The following RUNDC3B variants were observed in gnomAD, a reference collection of about 807,000 sequenced individuals.
RUNDC3B encodes the protein RUN domain containing 3B.
RUNDC3B carries 33 observed loss-of-function variants against 58.4 expected under a neutral mutation model. The ratio of observed to expected loss-of-function variants is 0.56; its 90% CI spans 0.43 to 0.75. The LOEUF (loss-of-function observed/expected upper bound fraction) is 0.75. Among genes scored for constraint, RUNDC3B ranks in the 30% least tolerant of loss-of-function variants. RUNDC3B has a pLI of 0.00. For synonymous variants in RUNDC3B, 193 were observed against 195.2 expected (o/e 0.99, Z 0.10); for missense variants, 501 against 535.7 (o/e 0.94, Z 0.64).
intron 1 of RUNDC3B, among the ~76,000 whole-genome samples, chr7:87,643,301 A>G (rs931649139): frequency 2.6e-5 from 4 of 152,196 alleles, no homozygotes; most frequent in African/African-American, 9.6e-5. Context: ...GTTTCAGGGT[A>G]CAAATTTCAG....
intron 9 of RUNDC3B, among the ~76,000 whole-genome samples, chr7:87,815,599 G>T (rs943894441): frequency 6.6e-6 from 1 of 151,956 alleles, no homozygotes; most frequent in African/African-American, 2.4e-5. Context: ...TCGTCTTGAT[G>T]TATATTAATA....
chr7:87,719,224 G>A (rs976191943), intron 4 of RUNDC3B, among the ~76,000 whole-genome samples: 1 of 151,766 alleles, frequency 6.6e-6, no homozygotes, highest in Non-Finnish European at 1.5e-5. Flanking sequence ...TAAAAGGCCT[G>A]AAAAATATAA....
intron 2 of RUNDC3B, among the ~76,000 whole-genome samples, chr7:87,652,122 A>G (rs1327396190): frequency 6.6e-6 from 1 of 152,134 alleles, no homozygotes; most frequent in Non-Finnish European, 1.5e-5. Context: ...AAATTTATAA[A>G]CAATGCCTAA....
chr7:87,822,727 T>A (rs1460858531), intron 10 of RUNDC3B, among the ~76,000 whole-genome samples: 1 of 152,210 alleles, frequency 6.6e-6, no homozygotes, highest in African/African-American at 2.4e-5. Flanking sequence ...TGAGAGTTCA[T>A]GTCCTTTATA....
chr7:87,816,384 C>A, intron 10 of RUNDC3B, 122 bp downstream of exon 10: 1 of 707,892 alleles, frequency 1.4e-6, no homozygotes, highest in Non-Finnish European at 2.2e-6. Flanking sequence ...ATTAAGCAGC[C>A]ATTATGATTA....
intron 6 of RUNDC3B, among the ~76,000 whole-genome samples, chr7:87,749,614 A>G (rs1253808213): frequency 1.3e-5 from 2 of 152,138 alleles, no homozygotes; most frequent in African/African-American, 4.8e-5. Flanking sequence ...TATTAGACAC[A>G]TTTTTTAAAA....
chr7:87,654,966 A>G (rs1364154113), intron 2 of RUNDC3B, among the ~76,000 whole-genome samples: 1 of 152,112 alleles, frequency 6.6e-6, no homozygotes, highest in Non-Finnish European at 1.5e-5. Flanking sequence ...CAGCAAATAG[A>G]TGAAAATTAA....
intron 6 of RUNDC3B, among the ~76,000 whole-genome samples, chr7:87,753,367 A>T (rs1425719181): frequency 2.0e-5 from 3 of 151,710 alleles, no homozygotes; most frequent in Admixed American, 1.3e-4. Context: ...TGGGGTGGAG[A>T]GTTCTGTAGA....
chr7:87,807,884 G>A (rs1406565895), intron 9 of RUNDC3B, among the ~76,000 whole-genome samples: 1 of 152,058 alleles, frequency 6.6e-6, no homozygotes, highest in Admixed American at 6.6e-5. Context: ...TGTTCCTGGT[G>A]GTTCTGAAGA....
chr7:87,650,769 C>T, intron 1 of RUNDC3B, 53 bp from the exon 2 acceptor site: 1 of 1,097,876 alleles, frequency 9.1e-7, no homozygotes, highest in South Asian at 1.3e-5. Flanking sequence ...TTTTTTCATA[C>T]TTAGGGAATG....
intron 2 of RUNDC3B, among the ~76,000 whole-genome samples, chr7:87,691,256 T>G (rs1827990888): frequency 2.0e-5 from 3 of 152,198 alleles, no homozygotes; most frequent in Non-Finnish European, 4.4e-5. Flanking sequence ...GAAAAGTACA[T>G]ACTTCTTGGG....
At chr7:87,692,794 TTTG>T (rs1296231045) in intron 2 of RUNDC3B, among the ~76,000 whole-genome samples, 1 of 152,238 alleles carries the variant, frequency 6.6e-6, no homozygotes, top group Non-Finnish European at 1.5e-5. Flanking sequence ...TTCATTTTTG[TTTG>T]TTGTAGTTAT....
intron 10 of RUNDC3B, among the ~76,000 whole-genome samples, chr7:87,826,490 A>G (rs1837817221): frequency 6.6e-6 from 1 of 151,732 alleles, no homozygotes; most frequent in Non-Finnish European, 1.5e-5. Context: ...GTATCTAAAG[A>G]AGAATGGATT....
rs1379777287 is a variant in RUNDC3B, at chr7:87,831,892, T to C, written c.*1862T>C. ...TAATTAAACAATGGTTTTACATACA[T>C]TTTTATAATGTAGAAGGAAATTCAA... On this transcript the variant is annotated 3_prime_UTR_variant, in exon 11 of 11. Transcript: ENST00000394654. The C allele has an allele frequency of 2.0e-5, 3 of 152,000 alleles. No individual in the cohort carries two copies. The highest frequency in any genetic ancestry group is 6.6e-5 in the Admixed American group (1 of 15,208). 9.4% of individuals were successfully genotyped at this position (152,000 alleles called of 1,614,324 possible). A position where few individuals can be genotyped will look rare whatever the true frequency, so the allele number is the denominator to read the frequency against.
At chr7:87,708,373 A>G (rs1829788110) in intron 3 of RUNDC3B, among the ~76,000 whole-genome samples, 1 of 152,160 alleles carries the variant, frequency 6.6e-6, no homozygotes, top group South Asian at 2.1e-4. Flanking sequence ...CTTCACATCT[A>G]TTATATAAAT....
chr7:87,825,055 T>TA (rs1375358381), intron 10 of RUNDC3B, among the ~76,000 whole-genome samples: 1 of 151,612 alleles, frequency 6.6e-6, no homozygotes, highest in African/African-American at 2.4e-5. Context: ...CTGTCACTAC[T>TA]AAAAATACAA....
At chr7:87,668,119 C>CTT (rs368910521) in intron 2 of RUNDC3B, among the ~76,000 whole-genome samples, 294 of 137,742 alleles carry the variant, frequency 2.1e-3, no homozygotes, top group African/African-American at 7.5e-3. Context: ...AGGCCCTTGG[C>CTT]TTTTTTTTTT....
rs1838049387 is a variant in RUNDC3B at position 87,829,997 on chromosome 7, A to G, written c.1338A>G (p.Thr446=). ...KSNDYLASPT[T]EMTSPGLTPS is the part of the protein sequence containing the mutation. ...ATGACTACCTTGCAAGTCCTACAACAGAGATGACAAGTCCAGGCCTAACTC... is the reference window on the plus strand; with the variant it reads ...ATGACTACCTTGCAAGTCCTACAACGGAGATGACAAGTCCAGGCCTAACTC... Residue 446 remains threonine (T), a synonymous_variant, in exon 11 of 11, where the codon ACA becomes ACG. Transcript: ENST00000394654. 1 of 1,608,342 alleles carries G rather than the reference A, an allele frequency of 6.2e-7. No homozygotes were observed. The highest frequency in any genetic ancestry group is 1.3e-5 in the African/African-American group (1 of 74,684).
chr7:87,764,151 A>G (rs1422230127), intron 6 of RUNDC3B, among the ~76,000 whole-genome samples: 4 of 151,826 alleles, frequency 2.6e-5, no homozygotes, highest in African/African-American at 7.2e-5. Context: ...AACAAAGACA[A>G]TAGTCAAAGA....
Sources: allele counts gnomAD v4.1 joint callset (sites outside exome capture counted in the v4.1 genomes callset), GRCh38; gene constraint gnomAD v4.1.1; transcripts MANE v1.5; gene names NCBI Gene and HGNC (gene_info 2026-07-23, HGNC 2026-07-21).